Variants in ADAMTSL3 observed in about 807,000 individuals in gnomAD.
The protein encoded by ADAMTSL3 is ADAMTS-like protein 3.
In ADAMTSL3, 128 loss-of-function variants were observed where a neutral mutation model predicts 201.7. The ratio of observed to expected loss-of-function variants is 0.63; its 90% CI spans 0.55 to 0.73. ADAMTSL3 has a LOEUF of 0.73. Ranked by LOEUF, ADAMTSL3 falls within the 30% of genes least tolerant of loss-of-function variation. The pLI is 0.00. For synonymous variants in ADAMTSL3, 738 were observed against 748.4 expected (o/e 0.99, Z 0.23); for missense variants, 1,990 against 2,119.6 (o/e 0.94, Z 1.20).
chr15:83,902,284 T>C (rs2065740989), intron 15 of ADAMTSL3, among the ~76,000 whole-genome samples: 1 of 152,120 alleles, frequency 6.6e-6, no homozygotes, highest in Non-Finnish European at 1.5e-5. Context: ...TCTTTTTGTT[T>C]TGTTGAAACA....
chr15:83,865,682 C>T (rs2064960589), intron 8 of ADAMTSL3, among the ~76,000 whole-genome samples: 1 of 152,150 alleles, frequency 6.6e-6, no homozygotes, highest in African/African-American at 2.4e-5. Context: ...CTAGGCAATA[C>T]CATTCAGGAC....
intron 6 of ADAMTSL3, among the ~76,000 whole-genome samples, chr15:83,823,897 TC>T: frequency 6.1e-5 from 1 of 16,310 alleles, no homozygotes; most frequent in Non-Finnish European, 2.0e-4. Flanking sequence ...TTCTTCCTCT[TC>T]TTCTTCTTCT....
Position 83,870,946 on chromosome 15 carries a change from A to G in ADAMTSL3, c.947A>G (p.Asp316Gly). The G allele has an allele frequency of 6.2e-7, 1 of 1,613,028 alleles. No individual in the cohort carries two copies. Among genetic ancestry groups the G allele is most frequent in the Non-Finnish European group, 8.5e-7 (1 of 1,179,734 alleles). ...AAGATTCCAGGACCTCTGATGGCTG[A>G]TTTCATCTTCAAGGTAGGATGATCC... ...TFKIPGPLMADFIFKTRYTAA... is the reference protein window; with the variant it reads ...TFKIPGPLMAGFIFKTRYTAA... Residue 316 changes from aspartate to glycine, a missense_variant, in exon 9 of 30, where the codon GAT (aspartate) becomes GGT (glycine). By Grantham distance (94) the Asp-to-Gly change is moderately conservative. Coordinates refer to ENST00000286744, the MANE Select transcript of ADAMTSL3 (RefSeq NM_207517.3).
At chr15:83,888,759 T>C (rs570100328) in intron 10 of ADAMTSL3, among the ~76,000 whole-genome samples, 1 of 152,306 alleles carries the variant, frequency 6.6e-6, no homozygotes, top group East Asian at 1.9e-4. Flanking sequence ...TTGACTCCAT[T>C]TGGATTTTCA....
At chr15:83,960,911 G>A (rs941804600) in intron 19 of ADAMTSL3, among the ~76,000 whole-genome samples, 1 of 152,140 alleles carries the variant, frequency 6.6e-6, no homozygotes, top group African/African-American at 2.4e-5. Context: ...AAGGGAGGGA[G>A]GAAGTCATGG....
intron 13 of ADAMTSL3, among the ~76,000 whole-genome samples, chr15:83,893,325 GGTTAGGGTTAGT>G (rs200748954): frequency 0.01 from 1,571 of 152,212 alleles, 35 homozygotes; most frequent in African/African-American, 0.036. Flanking sequence ...AACATCACTG[GGTTAGGGTTAGT>G]GTTAGGGAGA....
chr15:83,858,355 GT>G (rs1478581587), intron 7 of ADAMTSL3, among the ~76,000 whole-genome samples: 10 of 152,168 alleles, frequency 6.6e-5, no homozygotes, highest in Non-Finnish European at 1.5e-4. Flanking sequence ...TTTACACATA[GT>G]TTGTGATTTC....
chr15:83,813,553 C>T (rs1266816435), intron 5 of ADAMTSL3, among the ~76,000 whole-genome samples: 1 of 152,198 alleles, frequency 6.6e-6, no homozygotes, highest in East Asian at 1.9e-4. Context: ...GATCATGCCT[C>T]AAATGGCAGG....
intron 15 of ADAMTSL3, among the ~76,000 whole-genome samples, chr15:83,908,924 G>A (rs1308498299): frequency 1.3e-5 from 2 of 152,162 alleles, no homozygotes; most frequent in Non-Finnish European, 2.9e-5. Flanking sequence ...AGGCTCATTT[G>A]AATAATTGGC....
chr15:83,751,976 A>G (rs1417415034), intron 3 of ADAMTSL3, among the ~76,000 whole-genome samples: 1 of 152,246 alleles, frequency 6.6e-6, no homozygotes, highest in East Asian at 1.9e-4. Flanking sequence ...ACAACAACCT[A>G]TGCCCTAAAG....
intron 16 of ADAMTSL3, among the ~76,000 whole-genome samples, chr15:83,915,728 T>G (rs941704915): frequency 1.3e-5 from 2 of 152,214 alleles, no homozygotes; most frequent in Non-Finnish European, 2.9e-5. Flanking sequence ...GGACGTTGCA[T>G]GTAATGGGAT....
chr15:83,947,994 G>A (rs1222655256), intron 19 of ADAMTSL3, among the ~76,000 whole-genome samples: 1 of 152,026 alleles, frequency 6.6e-6, no homozygotes, highest in Non-Finnish European at 1.5e-5. Context: ...TCATCTCTGA[G>A]TTCTTCACCT....
intron 2 of ADAMTSL3, among the ~76,000 whole-genome samples, chr15:83,665,981 A>G (rs17158717): frequency 0.29 from 44,688 of 152,004 alleles, 6,894 homozygotes; most frequent in South Asian, 0.49. Flanking sequence ...TTTAAAATTT[A>G]AAAACAGCAC....
At chr15:84,008,041 T>G (rs1339492110) in intron 23 of ADAMTSL3, among the ~76,000 whole-genome samples, 1 of 152,190 alleles carries the variant, frequency 6.6e-6, no homozygotes, top group Non-Finnish European at 1.5e-5. Flanking sequence ...TACCATTACC[T>G]TCATAGCTAT....
chr15:83,919,579 T>C (rs533290009), intron 16 of ADAMTSL3, among the ~76,000 whole-genome samples: 1 of 152,028 alleles, frequency 6.6e-6, no homozygotes, highest in East Asian at 1.9e-4. Context: ...AGAGTGGAGA[T>C]GAATAGAGGG....
intron 16 of ADAMTSL3, among the ~76,000 whole-genome samples, chr15:83,920,339 C>A (rs1326498602): frequency 6.6e-6 from 1 of 152,188 alleles, no homozygotes; most frequent in Non-Finnish European, 1.5e-5. Flanking sequence ...TGGTCACTTC[C>A]GCTCAGGCTC....
intron 17 of ADAMTSL3, among the ~76,000 whole-genome samples, chr15:83,936,974 A>T (rs1427198567): frequency 6.6e-6 from 1 of 150,972 alleles, no homozygotes; most frequent in Non-Finnish European, 1.5e-5. Context: ...ACCATCTCTC[A>T]CCAGTCAGAT....
intron 2 of ADAMTSL3, among the ~76,000 whole-genome samples, chr15:83,685,298 G>C (rs2061521184): frequency 6.6e-6 from 1 of 151,770 alleles, no homozygotes. Flanking sequence ...TATCTTTAAT[G>C]GTGAACAAAA....
intron 17 of ADAMTSL3, among the ~76,000 whole-genome samples, chr15:83,924,331 C>T (rs1054149610): frequency 2.0e-5 from 3 of 152,238 alleles, no homozygotes; most frequent in Non-Finnish European, 4.4e-5. Flanking sequence ...TCTCTTTCTC[C>T]TCCCTGTTTC....
Sources: allele counts gnomAD v4.1 joint callset (sites outside exome capture counted in the v4.1 genomes callset), GRCh38; gene constraint gnomAD v4.1.1; transcripts MANE v1.5; gene names NCBI Gene and HGNC (gene_info 2026-07-23, HGNC 2026-07-21).